ARMC6: variants seen among roughly 807,000 people sequenced by gnomAD.
The protein encoded by ARMC6 is armadillo repeat containing 6.
ARMC6 carries 43 observed loss-of-function variants against 49.2 expected under a neutral mutation model. That is an observed-to-expected ratio of 0.87 (90% CI 0.69 to 1.13). The LOEUF (loss-of-function observed/expected upper bound fraction) is 1.13, where lower values mean the gene tolerates loss of function less well. Ranked by LOEUF, ARMC6 falls within the 50% of genes most tolerant of loss-of-function variation. ARMC6 has a pLI of 0.00. For missense variants in ARMC6, 627 were observed against 682.0 expected (o/e 0.92, Z 0.90); for synonymous variants, 262 against 289.6 (o/e 0.90, Z 0.97).
At chr19:19,047,903 T>C in intron 4 of ARMC6, among the ~76,000 whole-genome samples, 1 of 152,120 alleles carries the variant, frequency 6.6e-6, no homozygotes, top group Admixed American at 6.6e-5. Context: ...GGCTTCCAGG[T>C]CATAGACACA....
Position 19,051,651 on chromosome 19 carries a change from C to A in ARMC6, c.309C>A (p.Ala103=). 1 of 1,608,264 alleles carries A rather than the reference C, an allele frequency of 6.2e-7. No homozygotes were observed. The highest frequency in any genetic ancestry group is 8.5e-7 in the Non-Finnish European group (1 of 1,176,890). Reference sequence around the variant, plus strand: ...TCAGTGACCTCCAGGAGTCTGTGGCCAGCTCTCGCCCCCAGGAGGTGTCAG... The same window carrying A: ...TCAGTGACCTCCAGGAGTCTGTGGCAAGCTCTCGCCCCCAGGAGGTGTCAG... The part of the protein sequence containing the change: ...QMLSDLQESV[A]SSRPQEVSAY... The change falls in exon 5 of 9, where the codon GCC becomes GCA. Residue 103 remains alanine (A), a synonymous_variant. Coordinates refer to ENST00000535612, the MANE Select transcript of ARMC6 (RefSeq NM_001199196.2).
rs374464074 is a variant in ARMC6 at position 19,053,627 on chromosome 19, G to A, written c.854-525G>A. On this transcript the variant is annotated intron_variant, in intron 5 of 8. Coordinates refer to ENST00000535612, the MANE Select transcript of ARMC6 (RefSeq NM_001199196.2). ...CTACAGGTGGTCACAGGAACTGACCGTCGCAGCCCTGTGTAGGTGCAGGAT... is the reference window on the plus strand; with the variant it reads ...CTACAGGTGGTCACAGGAACTGACCATCGCAGCCCTGTGTAGGTGCAGGAT... Among the ~76,000 whole-genome samples the A allele has an allele frequency of 4.6e-5, 7 of 152,168 alleles. No individual in the cohort carries two copies. In the East Asian group the frequency reaches 7.7e-4, roughly 17 times the overall value.
chr19:19,048,070 C>T (rs986670919), intron 4 of ARMC6, among the ~76,000 whole-genome samples: 4 of 151,892 alleles, frequency 2.6e-5, no homozygotes, highest in East Asian at 1.9e-4. Flanking sequence ...AATTAGGCCA[C>T]GTGTGGTGGC....
At chr19:19,056,074 A>C in intron 8 of ARMC6, 146 bp downstream of exon 8, 1 of 969,892 alleles carries the variant, frequency 1.0e-6, no homozygotes, top group South Asian at 2.9e-5. Context: ...TGTCCCTCCC[A>C]CAGCCGAGCC....
intron 1 of ARMC6, 23 bp downstream of exon 1, chr19:19,033,953 G>T (rs1450535679): frequency 1.2e-5 from 6 of 510,524 alleles, no homozygotes; most frequent in Non-Finnish European, 2.1e-5. Flanking sequence ...GGCTGCCGAG[G>T]CCTGTCCCGC....
At position 19,052,189 on chromosome 19, in the gene ARMC6, A is replaced by G; in HGVS notation, c.847A>G (p.Thr283Ala). Reference sequence around the variant, plus strand: ...AGGCTTGAAGGTGCTCATCGAAGCCACCAAAGGTAAGAGCTGGGGGCCGAC... The same window carrying G: ...AGGCTTGAAGGTGCTCATCGAAGCCGCCAAAGGTAAGAGCTGGGGGCCGAC... ...NKGLKVLIEA[T>A]KAFLDNPGIL... The change falls in exon 5 of 9, where the codon ACC (threonine) becomes GCC (alanine). Residue 283 changes from threonine to alanine, a missense_variant. Coordinates refer to ENST00000535612, the MANE Select transcript of ARMC6 (RefSeq NM_001199196.2). 1 of 1,594,976 alleles carries G rather than the reference A, an allele frequency of 6.3e-7. No homozygotes were observed. The highest frequency in any genetic ancestry group is 2.2e-5 in the East Asian group (1 of 44,774).
chr19:19,037,339 G>A (rs1457193785), intron 2 of ARMC6, among the ~76,000 whole-genome samples: 1 of 151,474 alleles, frequency 6.6e-6, no homozygotes, highest in Non-Finnish European at 1.5e-5. Context: ...GCCACTGCCT[G>A]AAAAGAGAAG....
chr19:19,053,057 G>A (rs1463307599), intron 5 of ARMC6, among the ~76,000 whole-genome samples: 1 of 152,196 alleles, frequency 6.6e-6, no homozygotes, highest in Non-Finnish European at 1.5e-5. Context: ...ATGCAATTAT[G>A]GCAAGTCTGT....
intron 2 of ARMC6, among the ~76,000 whole-genome samples, chr19:19,035,823 G>A (rs946597419): frequency 6.6e-6 from 1 of 152,350 alleles, no homozygotes; most frequent in African/African-American, 2.4e-5. Context: ...AGCCTCAGGA[G>A]GTCCTGACAA....
intron 2 of ARMC6, among the ~76,000 whole-genome samples, chr19:19,040,435 A>T (rs10407753): frequency 0.023 from 3,494 of 151,952 alleles, 130 homozygotes; most frequent in African/African-American, 0.079. Flanking sequence ...GGTTTTTTTT[A>T]AAAAAATTGT....
rs575688248 is a variant in ARMC6, at chr19:19,033,913, C to A, written c.-97C>A. 4.6e-4 allele frequency: 188 copies of A among 409,050 alleles called. No homozygotes were observed. The highest frequency in any genetic ancestry group is 3.4e-3 in the Middle Eastern group (5 of 1,460). The allele number at this position is 409,050 out of a possible 1,614,324, so 25.3% of individuals were successfully genotyped here. The stretch of plus-strand genomic sequence containing the variant: ...CAACCGCGCGCCCCACCTTTCCCCA[C>A]GTGGCCGCGAAGACCGGGTGAGACG... On this transcript the variant is annotated 5_prime_UTR_variant, in exon 1 of 9. Transcript: ENST00000535612.
rs1599636757 is a variant in ARMC6 at position 19,042,783 on chromosome 19, G to A, written c.102G>A (p.Glu34=). 4 of 1,613,874 alleles carry A rather than the reference G, an allele frequency of 2.5e-6. No homozygotes were observed. In the East Asian group the frequency reaches 8.9e-5, roughly 36 times the overall value. ...TGGTCTCCAAGCGCATTGCCCAGGAGACCTTTGATGCAGCTGTGCGCGAGA... is the reference window on the plus strand; with the variant it reads ...TGGTCTCCAAGCGCATTGCCCAGGAAACCTTTGATGCAGCTGTGCGCGAGA... The part of the protein sequence containing the change: ...AKMVSKRIAQ[E]TFDAAVRENI... The change falls in exon 3 of 9, where the codon GAG becomes GAA. Residue 34 remains glutamate (E), a synonymous_variant. Coordinates refer to ENST00000535612, the MANE Select transcript of ARMC6 (RefSeq NM_001199196.2).
chr19:19,053,765 C>T (rs1042814146), intron 5 of ARMC6, among the ~76,000 whole-genome samples: 2 of 152,126 alleles, frequency 1.3e-5, no homozygotes, highest in Admixed American at 6.5e-5. Flanking sequence ...CGTATGTGTC[C>T]CTCTATGGTT....
chr19:19,051,570 C>T, intron 4 of ARMC6, 52 bp from the exon 5 acceptor site: 1 of 1,490,568 alleles, frequency 6.7e-7, no homozygotes. Flanking sequence ...TTGCTGTGGC[C>T]ATGGGTTCCT....
chr19:19,045,153 G>C (rs1388822467), intron 4 of ARMC6, among the ~76,000 whole-genome samples: 1 of 152,060 alleles, frequency 6.6e-6, no homozygotes, highest in Non-Finnish European at 1.5e-5. Context: ...TGGGATTACA[G>C]ACACACGCCA....
intron 4 of ARMC6, among the ~76,000 whole-genome samples, chr19:19,044,641 A>G (rs2059434722): frequency 6.6e-6 from 1 of 152,254 alleles, no homozygotes; most frequent in Admixed American, 6.5e-5. Context: ...GTAATACAGC[A>G]GAAGGCTCCG....
At chr19:19,038,319 C>G (rs186057771) in intron 2 of ARMC6, among the ~76,000 whole-genome samples, 15 of 152,296 alleles carry the variant, frequency 9.8e-5, no homozygotes, top group Admixed American at 9.1e-4. Context: ...CCCACCCTAG[C>G]CCCACCATAT....
At chr19:19,042,941 C>T (rs889676941) in intron 3 of ARMC6, 64 bp downstream of exon 3, 39 of 1,586,192 alleles carry the variant, frequency 2.5e-5, no homozygotes, top group East Asian at 4.5e-5. Flanking sequence ...TGGGAGAGCC[C>T]TGCTGCCCCG....
intron 4 of ARMC6, among the ~76,000 whole-genome samples, chr19:19,051,379 G>C (rs4993203): frequency 1.2e-3 from 93 of 79,626 alleles, no homozygotes; most frequent in South Asian, 5.8e-3. Flanking sequence ...CTCTCTCTGT[G>C]TGTGTGTGTG....
Sources: allele counts gnomAD v4.1 joint callset (sites outside exome capture counted in the v4.1 genomes callset), GRCh38; gene constraint gnomAD v4.1.1; transcripts MANE v1.5; gene names NCBI Gene and HGNC (gene_info 2026-07-23, HGNC 2026-07-21).